KCNT2: variants seen among roughly 807,000 people sequenced by gnomAD.
The protein encoded by KCNT2 is potassium sodium-activated channel subfamily T member 2.
A neutral mutation model predicts 153.8 loss-of-function variants in KCNT2; 67 were observed. The observed-to-expected ratio is 0.44, with a 90% confidence interval of 0.36 to 0.53. The LOEUF (loss-of-function observed/expected upper bound fraction) is 0.53. Among genes scored for constraint, KCNT2 ranks in the 20% least tolerant of loss-of-function variants. KCNT2 has a pLI of 0.00. For synonymous variants in KCNT2, 500 were observed against 458.8 expected (o/e 1.09, Z -1.15); for missense variants, 975 against 1,354.8 (o/e 0.72, Z 4.40).
intron 8 of KCNT2, among the ~76,000 whole-genome samples, chr1:196,457,728 C>T (rs188060146): frequency 6.6e-6 from 1 of 152,072 alleles, no homozygotes; most frequent in Non-Finnish European, 1.5e-5. Context: ...GTTAAGCTAT[C>T]TATTTTTAGT....
At chr1:196,582,456 C>T (rs951215389) in intron 1 of KCNT2, 10 of 154,098 alleles carry the variant, frequency 6.5e-5, no homozygotes, top group African/African-American at 1.9e-4. Context: ...TGATGAATAC[C>T]GAAGGTGTTC....
At chr1:196,383,392 A>G (rs1005514846) in intron 13 of KCNT2, among the ~76,000 whole-genome samples, 5 of 152,164 alleles carry the variant, frequency 3.3e-5, no homozygotes, top group African/African-American at 1.2e-4. Flanking sequence ...TCAAATCGCT[A>G]TCAAAATTTC....
At chr1:196,318,549 C>T (rs562739664) in intron 20 of KCNT2, among the ~76,000 whole-genome samples, 1 of 151,810 alleles carries the variant, frequency 6.6e-6, no homozygotes, top group African/African-American at 2.4e-5. Context: ...TAACAGAACA[C>T]TATTACCTCA....
chr1:196,518,671 A>G (rs1351411516), intron 1 of KCNT2, among the ~76,000 whole-genome samples: 3 of 152,120 alleles, frequency 2.0e-5, no homozygotes, highest in Non-Finnish European at 4.4e-5. Flanking sequence ...AACAACAAAA[A>G]TGATGGAAAA....
At chr1:196,304,937 A>G (rs749303645) in intron 22 of KCNT2, among the ~76,000 whole-genome samples, 2 of 152,170 alleles carry the variant, frequency 1.3e-5, no homozygotes, top group Non-Finnish European at 2.9e-5. Flanking sequence ...TTCATGACAT[A>G]GCAAGTAAGT....
At chr1:196,473,768 G>T (rs1678294036) in intron 5 of KCNT2, among the ~76,000 whole-genome samples, 1 of 152,126 alleles carries the variant, frequency 6.6e-6, no homozygotes, top group South Asian at 2.1e-4. Flanking sequence ...TGGCCAAAAA[G>T]GAGTCCCAAT....
At chr1:196,396,012 G>A (rs1446534865) in intron 13 of KCNT2, among the ~76,000 whole-genome samples, 1 of 151,542 alleles carries the variant, frequency 6.6e-6, no homozygotes, top group Non-Finnish European at 1.5e-5. Flanking sequence ...GTTATCTACT[G>A]CCACATGACT....
chr1:196,551,140 C>T (rs1657840343), intron 1 of KCNT2, among the ~76,000 whole-genome samples: 2 of 151,762 alleles, frequency 1.3e-5, no homozygotes, highest in South Asian at 4.1e-4. Flanking sequence ...CTATGCCTAC[C>T]ACTTTGAGAT....
chr1:196,557,425 C>T (rs1413751748), intron 1 of KCNT2, among the ~76,000 whole-genome samples: 2 of 151,152 alleles, frequency 1.3e-5, no homozygotes, highest in Non-Finnish European at 3.0e-5. Context: ...ATAGCAAATG[C>T]CATCATATCA....
At chr1:196,586,417 G>C (rs1467979910) in intron 1 of KCNT2, among the ~76,000 whole-genome samples, 2 of 151,950 alleles carry the variant, frequency 1.3e-5, no homozygotes, top group Non-Finnish European at 2.9e-5. Context: ...AAAACTATCA[G>C]TAATATTATT....
intron 14 of KCNT2, among the ~76,000 whole-genome samples, chr1:196,367,233 A>C (rs2148301658): frequency 1.3e-5 from 2 of 152,282 alleles, no homozygotes; most frequent in Middle Eastern, 3.4e-3. Flanking sequence ...GAACTATAAA[A>C]AAAAATCATG....
intron 8 of KCNT2, among the ~76,000 whole-genome samples, chr1:196,460,104 G>T (rs1415425496): frequency 2.6e-5 from 4 of 151,734 alleles, no homozygotes; most frequent in Admixed American, 2.0e-4. Context: ...AATGTTCAAG[G>T]CATAAATTTG....
chr1:196,542,897 T>C (rs1656576398), intron 1 of KCNT2, among the ~76,000 whole-genome samples: 1 of 152,044 alleles, frequency 6.6e-6, no homozygotes, highest in Non-Finnish European at 1.5e-5. Context: ...AAAGGAGGAT[T>C]TAATTCAGTC....
chr1:196,595,766 T>C (rs1205904942), intron 1 of KCNT2, among the ~76,000 whole-genome samples: 1 of 152,032 alleles, frequency 6.6e-6, no homozygotes, highest in Non-Finnish European at 1.5e-5. Context: ...TGGTGATTTC[T>C]GAGACTTTAG....
chr1:196,349,196 A>G (rs1572127737), intron 14 of KCNT2, among the ~76,000 whole-genome samples: 1 of 152,168 alleles, frequency 6.6e-6, no homozygotes, highest in Admixed American at 6.6e-5. Context: ...ATTGCTTGGG[A>G]AAAAGGAAAA....
chr1:196,559,716 T>G (rs1439155202), intron 1 of KCNT2, among the ~76,000 whole-genome samples: 1 of 151,818 alleles, frequency 6.6e-6, no homozygotes, highest in Non-Finnish European at 1.5e-5. Context: ...TTTCTCTGTT[T>G]TTTAGTGATG....
chr1:196,249,312 C>T (rs997424170), intron 26 of KCNT2, among the ~76,000 whole-genome samples: 2 of 151,730 alleles, frequency 1.3e-5, no homozygotes, highest in African/African-American at 2.4e-5. Context: ...AATAGACAGG[C>T]AAGAGAGAGA....
At chr1:196,455,654 G>C (rs766274982) in intron 8 of KCNT2, among the ~76,000 whole-genome samples, 1 of 151,910 alleles carries the variant, frequency 6.6e-6, no homozygotes, top group Non-Finnish European at 1.5e-5. Context: ...CCATGAGCAA[G>C]TCTATTTAAT....
At chr1:196,499,004 G>A (rs771749798) in intron 1 of KCNT2, among the ~76,000 whole-genome samples, 7 of 152,148 alleles carry the variant, frequency 4.6e-5, no homozygotes, top group Non-Finnish European at 1.0e-4. Context: ...CTATAATAGG[G>A]TGAGCCCTTA....
Sources: gnomAD v4.1 joint callset for allele counts (sites outside exome capture counted in the v4.1 genomes callset) on GRCh38, gnomAD v4.1.1 for gene constraint, MANE v1.5 for transcripts, NCBI Gene and HGNC (gene_info 2026-07-23, HGNC 2026-07-21) for gene names.